The following TSC22D3 variants were observed in gnomAD, a reference collection of about 807,000 sequenced individuals.
TSC22D3 encodes TSC22 domain family member 3.
TSC22D3 carries 4 observed loss-of-function variants against 11.1 expected under a neutral mutation model. The ratio of observed to expected loss-of-function variants is 0.36; its 90% CI spans 0.18 to 0.83. The LOEUF (loss-of-function observed/expected upper bound fraction) is 0.83. TSC22D3 is among the 40% of genes least tolerant of loss of function. The probability of loss-of-function intolerance (pLI) is 0.48; values close to 1 mark genes in which losing one functional copy is unlikely to be tolerated. For synonymous variants in TSC22D3, 77 were observed against 70.3 expected (o/e 1.10, Z -0.48); for missense variants, 118 against 159.4 (o/e 0.74, Z 1.40).
intron 1 of TSC22D3, among the ~76,000 whole-genome samples, chrX:107,729,285 A>G (rs1208876643): frequency 9.0e-6 from 1 of 111,374 alleles, no homozygotes; most frequent in Non-Finnish European, 1.9e-5. Flanking sequence ...ATTAACCCCC[A>G]GAAGAGTCTG....
At chrX:107,762,227 C>A (rs1317759583) in intron 1 of TSC22D3, among the ~76,000 whole-genome samples, 1 of 111,668 alleles carries the variant, frequency 9.0e-6, no homozygotes, top group East Asian at 2.8e-4. Context: ...CCAATGCCCC[C>A]TGCAGAGGAG....
At chrX:107,717,133 A>T in intron 1 of TSC22D3, 1 of 849,021 alleles carries the variant, frequency 1.2e-6, no homozygotes, top group Non-Finnish European at 1.4e-6. Context: ...GGGGCCATGC[A>T]AATGAGTCCT....
At chrX:107,751,653 G>C (rs1928939675) in intron 1 of TSC22D3, among the ~76,000 whole-genome samples, 1 of 112,343 alleles carries the variant, frequency 8.9e-6, no homozygotes, top group South Asian at 3.7e-4. Context: ...TGGCTGGTCA[G>C]GGGAGGGACC....
At chrX:107,768,506 C>T (rs982566374) in intron 1 of TSC22D3, among the ~76,000 whole-genome samples, 1 of 112,645 alleles carries the variant, frequency 8.9e-6, no homozygotes, top group African/African-American at 3.2e-5. Context: ...TAATAGTCCA[C>T]TCCTGGCAAA....
intron 2 of TSC22D3, 140 bp downstream of exon 2, chrX:107,715,759 C>T (rs959193269): frequency 1.4e-6 from 1 of 702,494 alleles, no homozygotes; most frequent in Non-Finnish European, 2.3e-6. Flanking sequence ...GACTCCACCT[C>T]CAGTGCGGAT....
chrX:107,729,519 C>A lies in TSC22D3; in HGVS notation c.321-13569G>T, dbSNP rs761057806. Among the ~76,000 whole-genome samples the A allele has an allele frequency of 3.6e-5, 4 of 112,417 alleles. No individual in the cohort carries two copies. In the South Asian group the frequency reaches 1.5e-3, roughly 41 times the overall value. On this transcript the variant is annotated intron_variant, in intron 1 of 2. Transcript: ENST00000372383. ...AGCAGAAACAATACTGACACTAGAG[C>A]TGGCGAGGGAAGCCCTTGCCCCTCA...
chrX:107,731,823 G>C (rs1463034727), intron 1 of TSC22D3, among the ~76,000 whole-genome samples: 1 of 97,024 alleles, frequency 1.0e-5, no homozygotes, highest in Non-Finnish European at 2.1e-5. Context: ...AAGGCAGCAA[G>C]CAAGAGCTTC....
chrX:107,745,036 C>T (rs1027539400), intron 1 of TSC22D3, among the ~76,000 whole-genome samples: 8 of 112,213 alleles, frequency 7.1e-5, no homozygotes, highest in East Asian at 2.8e-4. Context: ...CCAGTGATGA[C>T]GGAAATCTGC....
intron 1 of TSC22D3, among the ~76,000 whole-genome samples, chrX:107,771,853 C>T (rs773203779): frequency 1.8e-5 from 2 of 112,459 alleles, no homozygotes; most frequent in African/African-American, 6.5e-5. Context: ...ACAGCACTAT[C>T]AGGACTTCCA....
chrX:107,724,805 GCA>G (rs1927533642), intron 1 of TSC22D3, among the ~76,000 whole-genome samples: 1 of 112,757 alleles, frequency 8.9e-6, no homozygotes, highest in Non-Finnish European at 1.9e-5. Flanking sequence ...ACTGCCAGAA[GCA>G]CAGTTTTCAA....
chrX:107,726,061 T>A (rs535556229), intron 1 of TSC22D3, among the ~76,000 whole-genome samples: 1 of 110,327 alleles, frequency 9.1e-6, no homozygotes, highest in South Asian at 3.9e-4. Context: ...CTTGCCAGGA[T>A]CTCTGCAAAC....
chrX:107,749,178 TACACAC>T (rs61681572), intron 1 of TSC22D3, among the ~76,000 whole-genome samples: 21,871 of 87,036 alleles, frequency 0.25, 2,373 homozygotes, highest in South Asian at 0.47. Flanking sequence ...CTACTAAAAA[TACACAC>T]ACACACACAC....
At chrX:107,768,978 T>G (rs1349327689) in intron 1 of TSC22D3, among the ~76,000 whole-genome samples, 1 of 112,632 alleles carries the variant, frequency 8.9e-6, no homozygotes, top group South Asian at 3.6e-4. Flanking sequence ...TTCTCTTCGT[T>G]GTAATCACTA....
intron 1 of TSC22D3, among the ~76,000 whole-genome samples, chrX:107,753,467 C>T (rs1006666812): frequency 9.0e-6 from 1 of 111,121 alleles, no homozygotes; most frequent in Non-Finnish European, 1.9e-5. Flanking sequence ...AGATGAATTG[C>T]GCCACCACTT....
chrX:107,753,573 A>G (rs1929035760), intron 1 of TSC22D3, among the ~76,000 whole-genome samples: 2 of 110,964 alleles, frequency 1.8e-5, no homozygotes, highest in Admixed American at 1.9e-4. Flanking sequence ...TTTCCTGGTA[A>G]CTCCTTGGAT....
intron 1 of TSC22D3, among the ~76,000 whole-genome samples, chrX:107,731,537 A>G (rs148193347): frequency 0.016 from 1,821 of 112,002 alleles, 36 homozygotes; most frequent in African/African-American, 0.055. Flanking sequence ...GTTTCCTACA[A>G]CAGTGTCTGG....
intron 1 of TSC22D3, among the ~76,000 whole-genome samples, chrX:107,758,609 G>A (rs1414021660): frequency 9.0e-6 from 1 of 111,692 alleles, no homozygotes; most frequent in African/African-American, 3.3e-5. Flanking sequence ...GAGGTTTTCA[G>A]AAAGAGGGCC....
At chrX:107,748,655 C>A (rs1287009961) in intron 1 of TSC22D3, among the ~76,000 whole-genome samples, 1 of 111,752 alleles carries the variant, frequency 8.9e-6, no homozygotes, top group African/African-American at 3.3e-5. Flanking sequence ...CCGACTAGTT[C>A]TCTTAGCAAA....
chrX:107,728,471 G>A (rs1260025983), intron 1 of TSC22D3, among the ~76,000 whole-genome samples: 1 of 112,866 alleles, frequency 8.9e-6, no homozygotes, highest in Admixed American at 9.4e-5. Context: ...ACTTTGGTCA[G>A]TTTCCATCTT....
Sources: gnomAD v4.1 joint callset for allele counts (sites outside exome capture counted in the v4.1 genomes callset) on GRCh38, gnomAD v4.1.1 for gene constraint, MANE v1.5 for transcripts, NCBI Gene and HGNC (gene_info 2026-07-23, HGNC 2026-07-21) for gene names.